Variants in PRR16 observed in about 807,000 individuals in gnomAD.
PRR16 encodes the protein protein Largen.
PRR16 carries 6 observed loss-of-function variants against 18.2 expected under a neutral mutation model. The ratio of observed to expected loss-of-function variants is 0.33; its 90% confidence interval spans 0.18 to 0.65. PRR16 has a LOEUF of 0.65. Ranked by LOEUF, PRR16 falls within the 30% of genes least tolerant of loss-of-function variation. PRR16 has a pLI of 0.74. For synonymous variants in PRR16, 151 were observed against 147.8 expected (o/e 1.02, Z -0.16); for missense variants, 412 against 376.6 (o/e 1.09, Z -0.78).
intron 1 of PRR16, among the ~76,000 whole-genome samples, chr5:120,668,823 A>C (rs1287354084): frequency 6.6e-6 from 1 of 152,134 alleles, no homozygotes; most frequent in African/African-American, 2.4e-5. Context: ...CCGAGAGATC[A>C]GCTGTTAGTC....
At chr5:120,793,365 G>C in the PRR16 span, among the ~76,000 whole-genome samples, 1 of 152,066 alleles carries the variant, frequency 6.6e-6, no homozygotes, top group Non-Finnish European at 1.5e-5. Context: ...AAAAAAAAAG[G>C]TATATGGTTT....
chr5:120,755,094 G>A, the PRR16 span, among the ~76,000 whole-genome samples: 1 of 151,490 alleles, frequency 6.6e-6, no homozygotes, highest in African/African-American at 2.4e-5. Flanking sequence ...AATGCTTAAT[G>A]ACGAGTTAAT....
chr5:120,617,899 A>AT (rs1453478880), intron 1 of PRR16, among the ~76,000 whole-genome samples: 1 of 151,978 alleles, frequency 6.6e-6, no homozygotes, highest in Non-Finnish European at 1.5e-5. Context: ...AAGGTCAATA[A>AT]TTTTTTTTAT....
chr5:120,705,355 T>G, the PRR16 span, among the ~76,000 whole-genome samples: 1 of 152,068 alleles, frequency 6.6e-6, no homozygotes. Flanking sequence ...CCCTCAAATT[T>G]TTTTCTATAT....
At chr5:120,616,466 T>A (rs1357531933) in intron 1 of PRR16, among the ~76,000 whole-genome samples, 1 of 152,140 alleles carries the variant, frequency 6.6e-6, no homozygotes, top group Non-Finnish European at 1.5e-5. Context: ...AGTCTTTAGT[T>A]CCCATGACCC....
chr5:120,770,495 C>G, the PRR16 span, among the ~76,000 whole-genome samples: 1 of 151,854 alleles, frequency 6.6e-6, no homozygotes, highest in African/African-American at 2.4e-5. Flanking sequence ...AAGGGAAAAG[C>G]TTTTTGACAT....
intron 1 of PRR16, among the ~76,000 whole-genome samples, chr5:120,539,677 G>GA (rs199697060): frequency 2.0e-4 from 30 of 148,628 alleles, no homozygotes; most frequent in East Asian, 1.6e-3. Context: ...AACTTGAAAA[G>GA]AAAAAAAAAC....
the PRR16 span, among the ~76,000 whole-genome samples, chr5:120,711,486 T>C: frequency 1.3e-5 from 2 of 152,194 alleles, no homozygotes; most frequent in African/African-American, 4.8e-5. Flanking sequence ...GCCAAATTAA[T>C]ACTACTACCC....
At chr5:120,524,451 ACTG>A (rs1355719380) in intron 1 of PRR16, among the ~76,000 whole-genome samples, 1 of 152,058 alleles carries the variant, frequency 6.6e-6, no homozygotes, top group Non-Finnish European at 1.5e-5. Context: ...CATTTTTTTC[ACTG>A]ATATCCAAAC....
intron 1 of PRR16, among the ~76,000 whole-genome samples, chr5:120,616,916 A>G (rs1205379214): frequency 2.0e-5 from 3 of 152,058 alleles, no homozygotes; most frequent in East Asian, 1.9e-4. Flanking sequence ...CTTCCTAGAC[A>G]TGTTCTGTGT....
At chr5:120,625,145 C>T (rs1754822886) in intron 1 of PRR16, among the ~76,000 whole-genome samples, 1 of 152,052 alleles carries the variant, frequency 6.6e-6, no homozygotes, top group Non-Finnish European at 1.5e-5. Flanking sequence ...TTCTTTTGTC[C>T]TGTGTCTACT....
chr5:120,597,140 A>G (rs975746858), intron 1 of PRR16, among the ~76,000 whole-genome samples: 4 of 151,526 alleles, frequency 2.6e-5, no homozygotes, highest in African/African-American at 9.7e-5. Flanking sequence ...TTTTTACTGG[A>G]TCATCTCTCT....
Position 120,524,442 on chromosome 5 carries a change from A to AT in PRR16, c.159+59804dup, listed in dbSNP as rs1275601566. On this transcript the variant is annotated intron_variant, in intron 1 of 1. Coordinates refer to ENST00000407149, the MANE Select transcript of PRR16 (RefSeq NM_001300783.2). ...TGATGTTTAGGAAATGCAGATACAC[A>AT]TTTTTTTCACTGATATCCAAACTAT... Among the ~76,000 whole-genome samples the AT allele has an allele frequency of 3.9e-5, 6 of 152,026 alleles. No homozygotes were observed. In the South Asian group the frequency reaches 6.2e-4, roughly 16 times the overall value.
intron 1 of PRR16, among the ~76,000 whole-genome samples, chr5:120,678,746 A>T (rs1327348072): frequency 6.6e-6 from 1 of 152,098 alleles, no homozygotes; most frequent in East Asian, 1.9e-4. Context: ...AGATAATTTA[A>T]CTTCTTATTT....
intron 1 of PRR16, among the ~76,000 whole-genome samples, chr5:120,530,285 T>TATATATCTATATA (rs375750842): frequency 1.2e-5 from 1 of 84,450 alleles, no homozygotes. Context: ...ATATATATAT[T>TATATATCTATATA]TATTTATTTA....
chr5:120,690,802 G>C (rs764606162), downstream of PRR16, among the ~76,000 whole-genome samples: 49 of 152,078 alleles, frequency 3.2e-4, no homozygotes, highest in Non-Finnish European at 6.3e-4. Flanking sequence ...CTTGAATCAG[G>C]AGTAGCAATT....
intron 1 of PRR16, among the ~76,000 whole-genome samples, chr5:120,545,517 G>C (rs943902246): frequency 3.3e-5 from 5 of 151,828 alleles, no homozygotes; most frequent in Non-Finnish European, 7.4e-5. Context: ...TGTGAATAGG[G>C]CTTACATTTA....
chr5:120,576,407 T>C (rs899655070), intron 1 of PRR16, among the ~76,000 whole-genome samples: 1 of 152,100 alleles, frequency 6.6e-6, no homozygotes, highest in African/African-American at 2.4e-5. Flanking sequence ...AACAAGTATA[T>C]GAAAAAATGT....
chr5:120,535,818 C>T (rs1751699866), intron 1 of PRR16, among the ~76,000 whole-genome samples: 2 of 150,216 alleles, frequency 1.3e-5, no homozygotes, highest in Non-Finnish European at 3.0e-5. Flanking sequence ...AAACAAAAAA[C>T]TTGGCCAGGC....
Sources: gnomAD v4.1 joint callset for allele counts (sites outside exome capture counted in the v4.1 genomes callset) on GRCh38, gnomAD v4.1.1 for gene constraint, MANE v1.5 for transcripts, NCBI Gene and HGNC (gene_info 2026-07-23, HGNC 2026-07-21) for gene names.